PIGU: variants seen among roughly 807,000 people sequenced by gnomAD.
PIGU encodes phosphatidylinositol glycan anchor biosynthesis class U, also known as GPI-anchor transamidase component PIGU.
A neutral mutation model predicts 49.9 loss-of-function variants in PIGU; 24 were observed. The ratio of observed to expected loss-of-function variants is 0.48; its 90% CI spans 0.35 to 0.68. The LOEUF (loss-of-function observed/expected upper bound fraction) is 0.68, where lower values mean the gene tolerates loss of function less well. PIGU is among the 30% of genes least tolerant of loss of function. The pLI is 0.01. For synonymous variants in PIGU, 220 were observed against 205.7 expected, an observed-to-expected ratio of 1.07 and a Z score of -0.59; for missense variants, 490 against 532.6, an observed-to-expected ratio of 0.92 and a Z score of 0.79.
At chr20:34,587,429 T>C (rs1983741759) in intron 8 of PIGU, among the ~76,000 whole-genome samples, 1 of 152,236 alleles carries the variant, frequency 6.6e-6, no homozygotes, top group Non-Finnish European at 1.5e-5. Flanking sequence ...CTGAATACTA[T>C]GTAGAATAAT....
At chr20:34,589,691 C>T (rs1169215474) in intron 7 of PIGU, among the ~76,000 whole-genome samples, 1 of 113,184 alleles carries the variant, frequency 8.8e-6, no homozygotes, top group Non-Finnish European at 1.7e-5. Flanking sequence ...GAGTTTCGCT[C>T]GTTGCCCTGG....
At chr20:34,621,831 A>C (rs1272516113) in intron 6 of PIGU, among the ~76,000 whole-genome samples, 1 of 152,232 alleles carries the variant, frequency 6.6e-6, no homozygotes, top group Non-Finnish European at 1.5e-5. Context: ...TGACTCAGAT[A>C]GTCTCTGTCC....
At chr20:34,658,606 C>T (rs1184933896) in intron 1 of PIGU, among the ~76,000 whole-genome samples, 1 of 151,966 alleles carries the variant, frequency 6.6e-6, no homozygotes, top group Non-Finnish European at 1.5e-5. Context: ...TGCCCCACCG[C>T]CCCGTCTGGG....
chr20:34,571,699 C>G (rs1030846868), intron 11 of PIGU, among the ~76,000 whole-genome samples: 1 of 152,154 alleles, frequency 6.6e-6, no homozygotes, highest in Non-Finnish European at 1.5e-5. Flanking sequence ...GAGAAAAAGA[C>G]AGTGGGACAA....
chr20:34,671,234 GCAT>G (rs958888691), intron 1 of PIGU, among the ~76,000 whole-genome samples: 4 of 152,056 alleles, frequency 2.6e-5, no homozygotes, highest in African/African-American at 9.7e-5. Flanking sequence ...CATGTAAAAA[GCAT>G]CATATCATTG....
chr20:34,629,355 C>T (rs1212727797), intron 6 of PIGU, among the ~76,000 whole-genome samples: 1 of 152,190 alleles, frequency 6.6e-6, no homozygotes, highest in African/African-American at 2.4e-5. Flanking sequence ...GATATTAGCA[C>T]ATGTGATGCA....
chr20:34,616,197 A>T, intron 6 of PIGU, 58 bp from the exon 7 acceptor site: 8 of 1,568,072 alleles, frequency 5.1e-6, no homozygotes, highest in Non-Finnish European at 6.9e-6. Context: ...GATTAGACTC[A>T]GCAAGTCCCT....
intron 7 of PIGU, among the ~76,000 whole-genome samples, chr20:34,595,325 T>C (rs751145900): frequency 1.3e-5 from 2 of 152,318 alleles, no homozygotes; most frequent in Non-Finnish European, 2.9e-5. Flanking sequence ...CATTATTCCC[T>C]GAACAATACA....
At chr20:34,616,939 G>A (rs765095191) in intron 6 of PIGU, among the ~76,000 whole-genome samples, 21 of 152,096 alleles carry the variant, frequency 1.4e-4, no homozygotes, top group Non-Finnish European at 2.6e-4. Context: ...GTGAAACCTC[G>A]TCTCTACTAA....
rs530255028 is a variant in PIGU at position 34,594,236 on chromosome 20, C to A, written c.628-5629G>T. Among the ~76,000 whole-genome samples the A allele has an allele frequency of 3.9e-5, 6 of 152,292 alleles. No homozygotes were observed. In the South Asian group the frequency reaches 1.2e-3, roughly 32 times the overall value. ...TTCAATAATTCCACTTTCTAGAAAT[C>A]TATCTTGAAGATATACCTCCAACAA... is the stretch of plus-strand genomic sequence containing the variant. On this transcript the variant is annotated intron_variant, in intron 7 of 11. Coordinates refer to ENST00000217446, the MANE Select transcript of PIGU (RefSeq NM_080476.5).
chr20:34,641,241 A>T (rs1407923177), intron 4 of PIGU, among the ~76,000 whole-genome samples: 3 of 152,128 alleles, frequency 2.0e-5, no homozygotes, highest in Non-Finnish European at 4.4e-5. Context: ...CTAATCATTG[A>T]AGCTGCATCT....
At chr20:34,599,894 T>C (rs1337969706) in intron 7 of PIGU, among the ~76,000 whole-genome samples, 3 of 152,120 alleles carry the variant, frequency 2.0e-5, no homozygotes, top group Non-Finnish European at 4.4e-5. Context: ...CCCCTAGCCA[T>C]ATGTGGCTAT....
At chr20:34,621,390 G>A (rs1207170974) in intron 6 of PIGU, among the ~76,000 whole-genome samples, 1 of 151,640 alleles carries the variant, frequency 6.6e-6, no homozygotes, top group African/African-American at 2.4e-5. Flanking sequence ...AAGAATAGTG[G>A]TTGAGGGTTT....
chr20:34,589,398 AGGTAGAGTGCAGT>A (rs1340779277), intron 7 of PIGU, among the ~76,000 whole-genome samples: 14 of 152,232 alleles, frequency 9.2e-5, no homozygotes, highest in Admixed American at 3.9e-4. Context: ...TGTGTCGCCA[AGGTAGAGTGCAGT>A]GGCACGATCT....
intron 1 of PIGU, among the ~76,000 whole-genome samples, chr20:34,666,676 C>G (rs1420721588): frequency 2.0e-5 from 3 of 148,588 alleles, no homozygotes; most frequent in Non-Finnish European, 4.5e-5. Context: ...CACCACTGCA[C>G]CTGACTAATT....
chr20:34,617,223 A>G (rs1018825598), intron 6 of PIGU, among the ~76,000 whole-genome samples: 1 of 152,184 alleles, frequency 6.6e-6, no homozygotes, highest in Non-Finnish European at 1.5e-5. Context: ...AGCTGAGAAG[A>G]GGGTCACTGT....
intron 1 of PIGU, among the ~76,000 whole-genome samples, chr20:34,671,616 C>G (rs1479258456): frequency 6.6e-6 from 1 of 151,934 alleles, no homozygotes. Flanking sequence ...ACAGGAAATT[C>G]ATTCCTTAAA....
chr20:34,601,874 T>C (rs1287528245), intron 7 of PIGU, among the ~76,000 whole-genome samples: 2 of 152,262 alleles, frequency 1.3e-5, no homozygotes, highest in Non-Finnish European at 2.9e-5. Context: ...GATTTGTCTC[T>C]ATATTTTATT....
At chr20:34,659,794 G>T (rs1405911083) in intron 1 of PIGU, among the ~76,000 whole-genome samples, 2 of 152,048 alleles carry the variant, frequency 1.3e-5, no homozygotes, top group Non-Finnish European at 2.9e-5. Context: ...TGTCCACTCA[G>T]GGTTAAATGG....
Sources: allele counts gnomAD v4.1 joint callset (sites outside exome capture counted in the v4.1 genomes callset), GRCh38; gene constraint gnomAD v4.1.1; transcripts MANE v1.5; gene names NCBI Gene and HGNC (gene_info 2026-07-23, HGNC 2026-07-21).